The following PEX14 variants were observed in gnomAD, a reference collection of about 807,000 sequenced individuals.
PEX14 encodes peroxisomal biogenesis factor 14, also known as peroxisomal membrane protein PEX14.
In PEX14, 15 loss-of-function variants were observed where a neutral mutation model predicts 49.5. That is an observed-to-expected ratio of 0.30 (90% CI 0.20 to 0.47). The LOEUF (loss-of-function observed/expected upper bound fraction) is 0.47, where lower values mean the gene tolerates loss of function less well. PEX14 is among the 20% of genes least tolerant of loss of function. The pLI, the probability that PEX14 is intolerant of heterozygous loss-of-function variation, is 1.00. For missense variants in PEX14, 398 were observed against 494.8 expected (o/e 0.80, Z 1.86); for synonymous variants, 210 against 212.7 (o/e 0.99, Z 0.11).
At chr1:10,625,017 C>T (rs1370436624) in intron 7 of PEX14, among the ~76,000 whole-genome samples, 1 of 152,168 alleles carries the variant, frequency 6.6e-6, no homozygotes, top group African/African-American at 2.4e-5. Context: ...TGGCAGCTTC[C>T]AGGATCAGGC....
rs141703649 is a variant in PEX14, at chr1:10,527,783, C to T, written c.85-8430C>T. Among the ~76,000 whole-genome samples, 295 of 152,082 alleles carry T rather than the reference C, an allele frequency of 1.9e-3. 3 individuals carry two copies. The highest frequency in any genetic ancestry group is 3.3e-3 in the Non-Finnish European group (226 of 67,974). On this transcript the variant is annotated intron_variant, in intron 2 of 8. Transcript: ENST00000356607. Reference sequence around the variant, plus strand: ...CTGCCTCCCAGGTTCAAGTAATTCTCATGCCTCAGCCACCCTAGTAGCTAA... The same window carrying T: ...CTGCCTCCCAGGTTCAAGTAATTCTTATGCCTCAGCCACCCTAGTAGCTAA...
chr1:10,544,242 ATTAT>A (rs752736806), intron 3 of PEX14, among the ~76,000 whole-genome samples: 54 of 152,358 alleles, frequency 3.5e-4, no homozygotes, highest in Non-Finnish European at 6.0e-4. Context: ...GAATGAAAAC[ATTAT>A]TTAATGAATC....
intron 1 of PEX14, among the ~76,000 whole-genome samples, chr1:10,487,837 G>A (rs1006455900): frequency 6.6e-6 from 1 of 151,970 alleles, no homozygotes; most frequent in Non-Finnish European, 1.5e-5. Context: ...CTGGAGTGCA[G>A]TGGCTCGATC....
intron 3 of PEX14, among the ~76,000 whole-genome samples, chr1:10,553,295 T>C (rs919572374): frequency 6.6e-6 from 1 of 152,060 alleles, no homozygotes; most frequent in African/African-American, 2.4e-5. Flanking sequence ...ATTTTTGGCT[T>C]AGGGAGCTGG....
chr1:10,599,483 A>G, intron 4 of PEX14, 117 bp downstream of exon 4: 2 of 1,234,442 alleles, frequency 1.6e-6, no homozygotes, highest in Non-Finnish European at 2.4e-6. Context: ...GAGCAGCAGA[A>G]AGCTCTTGGG....
At chr1:10,486,427 C>T (rs1641369105) in intron 1 of PEX14, among the ~76,000 whole-genome samples, 1 of 149,356 alleles carries the variant, frequency 6.7e-6, no homozygotes, top group African/African-American at 2.5e-5. Flanking sequence ...CGCCTGTAAT[C>T]CCAGCACTTT....
At chr1:10,585,980 A>G (rs1279898108) in intron 3 of PEX14, among the ~76,000 whole-genome samples, 1 of 152,256 alleles carries the variant, frequency 6.6e-6, no homozygotes, top group Non-Finnish European at 1.5e-5. Flanking sequence ...AACATTTCAA[A>G]ATAGTTACAC....
rs1259576289 is a variant in PEX14, at chr1:10,514,022, A to T, written c.84+18701A>T. Among the ~76,000 whole-genome samples, 1 of 152,232 alleles carries T rather than the reference A, an allele frequency of 6.6e-6. No homozygotes were observed. Among genetic ancestry groups the T allele is most frequent in the African/African-American group, 2.4e-5 (1 of 41,452 alleles). On this transcript the variant is annotated intron_variant, in intron 2 of 8. Transcript: ENST00000356607. This position sits in a 1 kb window ranked among gnomAD's most constrained non-coding sequence, Gnocchi z 4.4. ...CACTAGAGTGAGCTCCGCTCCCTGT[A>T]ATTATTTAACATTATATGCTGATAT...
intron 1 of PEX14, among the ~76,000 whole-genome samples, chr1:10,475,412 C>T (rs1480560387): frequency 2.0e-5 from 3 of 152,212 alleles, no homozygotes; most frequent in African/African-American, 7.2e-5. Flanking sequence ...AGGGTTCCCA[C>T]TCCCTCACGG....
chr1:10,611,607 A>G (rs1270562030), intron 4 of PEX14, among the ~76,000 whole-genome samples: 1 of 152,232 alleles, frequency 6.6e-6, no homozygotes, highest in Non-Finnish European at 1.5e-5. Flanking sequence ...CCCATCAGCA[A>G]TATGTAAGAG....
intron 2 of PEX14, among the ~76,000 whole-genome samples, chr1:10,533,554 CT>C (rs1638709819): frequency 6.6e-6 from 1 of 152,098 alleles, no homozygotes; most frequent in Admixed American, 6.5e-5. Flanking sequence ...TTATGCTGTT[CT>C]TTGCTATATC....
At chr1:10,590,195 G>A (rs976235946) in intron 3 of PEX14, among the ~76,000 whole-genome samples, 1 of 152,088 alleles carries the variant, frequency 6.6e-6, no homozygotes, top group Non-Finnish European at 1.5e-5. Context: ...CCACAAAACC[G>A]TGAGCCTGCA....
In PEX14 at chr1:10,494,972, G is replaced by A. The variant is rs1197966670; in HGVS notation, c.37-302G>A. The A allele has an allele frequency of 3.5e-6, 1 of 282,882 alleles. No homozygotes were observed. Among genetic ancestry groups the A allele is most frequent in the African/African-American group, 2.3e-5 (1 of 43,864 alleles). 17.5% of individuals were successfully genotyped at this position (282,882 alleles called of 1,614,324 possible). A position where few individuals can be genotyped will look rare whatever the true frequency, so the allele number is the denominator to read the frequency against. Reference sequence around the variant, plus strand: ...TACTCTTCCCGTGGATTTTGGGATGGTCCCCAGCCCTTGCTGCTCAGTAGG... The same window carrying A: ...TACTCTTCCCGTGGATTTTGGGATGATCCCCAGCCCTTGCTGCTCAGTAGG... On this transcript the variant is annotated intron_variant, in intron 1 of 8. Transcript: ENST00000356607. The surrounding 1 kb of genome is among the most constrained non-coding windows in gnomAD (Gnocchi z 4.3).
chr1:10,537,011 T>C (rs12091086), intron 3 of PEX14, among the ~76,000 whole-genome samples: 13,953 of 152,210 alleles, frequency 0.092, 1,688 homozygotes, highest in African/African-American at 0.28. Flanking sequence ...AAAAGTAAGC[T>C]TTCTTCCTCC....
chr1:10,504,100 G>A (rs956436243), intron 2 of PEX14, among the ~76,000 whole-genome samples: 28 of 152,176 alleles, frequency 1.8e-4, no homozygotes, highest in African/African-American at 5.5e-4. Flanking sequence ...AATGATTTTT[G>A]GCTCAAAAAA....
chr1:10,534,917 T>A (rs1638755275), intron 2 of PEX14, among the ~76,000 whole-genome samples: 1 of 152,240 alleles, frequency 6.6e-6, no homozygotes, highest in South Asian at 2.1e-4. Flanking sequence ...CAAAAGTCTG[T>A]CTGGTCTCAG....
chr1:10,565,631 C>G (rs1406080937), intron 3 of PEX14, among the ~76,000 whole-genome samples: 1 of 152,016 alleles, frequency 6.6e-6, no homozygotes, highest in Non-Finnish European at 1.5e-5. Context: ...TGTATTTTAC[C>G]CTTTCTTAGG....
At chr1:10,533,913 C>T (rs1638722321) in intron 2 of PEX14, among the ~76,000 whole-genome samples, 1 of 152,124 alleles carries the variant, frequency 6.6e-6, no homozygotes, top group Non-Finnish European at 1.5e-5. Context: ...ATTGAGTGCA[C>T]CATTAAACCC....
chr1:10,531,419 C>A (rs1638647115), intron 2 of PEX14, among the ~76,000 whole-genome samples: 1 of 152,122 alleles, frequency 6.6e-6, no homozygotes, highest in South Asian at 2.1e-4. Flanking sequence ...TTAAGTCAGT[C>A]CTTGTTAAAA....
Sources: allele counts gnomAD v4.1 joint callset (sites outside exome capture counted in the v4.1 genomes callset), GRCh38; gene constraint gnomAD v4.1.1; non-coding constraint Gnocchi (gnomAD v3.1); transcripts MANE v1.5; gene names NCBI Gene and HGNC (gene_info 2026-07-23, HGNC 2026-07-21).